Variants in MAF observed in about 807,000 individuals in gnomAD.
MAF encodes the protein MAF bZIP transcription factor.
MAF carries 10 observed loss-of-function variants against 22.0 expected under a neutral mutation model. The ratio of observed to expected loss-of-function variants is 0.45; its 90% CI spans 0.28 to 0.77. The LOEUF (loss-of-function observed/expected upper bound fraction) is 0.77. Ranked by LOEUF, MAF falls within the 30% of genes least tolerant of loss-of-function variation. MAF has a pLI of 0.12. For missense variants in MAF, 544 were observed against 548.4 expected, an observed-to-expected ratio of 0.99 and a Z score of 0.08; for synonymous variants, 337 against 255.8, an observed-to-expected ratio of 1.32 and a Z score of -3.03.
the MAF span, among the ~76,000 whole-genome samples, chr16:79,325,520 G>A: frequency 6.6e-6 from 1 of 151,844 alleles, no homozygotes. Context: ...GAATGTGGAT[G>A]GGCTGTCTCA....
the MAF span, among the ~76,000 whole-genome samples, chr16:79,502,715 ATATATATAT>A: frequency 1.3e-3 from 52 of 41,206 alleles, no homozygotes; most frequent in Non-Finnish European, 2.3e-3. Flanking sequence ...ATAAATATAT[ATATATATAT>A]ATATATATAT....
the MAF span, among the ~76,000 whole-genome samples, chr16:79,217,507 G>C: frequency 5.9e-5 from 9 of 152,266 alleles, no homozygotes; most frequent in African/African-American, 2.2e-4. Context: ...AGCAATATTG[G>C]CTTCAGCCTT....
chr16:79,572,522 A>G, the MAF span, among the ~76,000 whole-genome samples: 2 of 152,212 alleles, frequency 1.3e-5, no homozygotes, highest in Non-Finnish European at 2.9e-5. Context: ...GAGCAAATTC[A>G]GGTTGATCAG....
the MAF span, among the ~76,000 whole-genome samples, chr16:79,510,009 C>T: frequency 7.2e-5 from 11 of 152,270 alleles, no homozygotes; most frequent in East Asian, 1.9e-3. Flanking sequence ...CTTCCTAAAT[C>T]GCTTTGGACA....
chr16:79,427,727 A>T, the MAF span, among the ~76,000 whole-genome samples: 1 of 152,012 alleles, frequency 6.6e-6, no homozygotes, highest in African/African-American at 2.4e-5. Context: ...CTGGCCCAGT[A>T]TTCTCCTCTG....
At chr16:79,496,815 C>T in the MAF span, among the ~76,000 whole-genome samples, 1 of 152,140 alleles carries the variant, frequency 6.6e-6, no homozygotes, top group African/African-American at 2.4e-5. Flanking sequence ...GCAAATTCAT[C>T]TCTATAACAA....
chr16:79,289,010 G>A, the MAF span, among the ~76,000 whole-genome samples: 11 of 152,214 alleles, frequency 7.2e-5, no homozygotes, highest in Admixed American at 3.3e-4. Context: ...GATTACAGGC[G>A]TAAGCCACTG....
the MAF span, among the ~76,000 whole-genome samples, chr16:79,368,110 G>T: frequency 2.0e-5 from 3 of 152,202 alleles, no homozygotes; most frequent in Non-Finnish European, 4.4e-5. Context: ...CTCCAGAGAG[G>T]CAGGAAGAGA....
chr16:79,586,635 T>C (rs945320086), intron 1 of MAF, among the ~76,000 whole-genome samples: 6 of 152,340 alleles, frequency 3.9e-5, no homozygotes, highest in South Asian at 2.1e-4. Flanking sequence ...TAATTCAAAG[T>C]AGTTAGCTTT....
chr16:79,314,419 T>C, the MAF span, among the ~76,000 whole-genome samples: 3 of 152,154 alleles, frequency 2.0e-5, no homozygotes, highest in Non-Finnish European at 4.4e-5. Context: ...AGTCTGGGTC[T>C]GCGATGGGTT....
the MAF span, among the ~76,000 whole-genome samples, chr16:79,275,641 T>C: frequency 3.9e-4 from 60 of 152,220 alleles, no homozygotes; most frequent in Non-Finnish European, 7.3e-5. Context: ...CCATTGTCAG[T>C]CATGGCTACT....
the MAF span, among the ~76,000 whole-genome samples, chr16:79,364,414 C>T: frequency 6.6e-6 from 1 of 152,134 alleles, no homozygotes; most frequent in African/African-American, 2.4e-5. Flanking sequence ...CAGAAGGAGA[C>T]ACACAGAAGA....
chr16:79,240,005 C>A, the MAF span, among the ~76,000 whole-genome samples: 1 of 151,874 alleles, frequency 6.6e-6, no homozygotes, highest in South Asian at 2.1e-4. Context: ...AGTATTTACC[C>A]AAATTATTAT....
At chr16:79,354,176 A>T in the MAF span, among the ~76,000 whole-genome samples, 6 of 151,684 alleles carry the variant, frequency 4.0e-5, no homozygotes, top group Non-Finnish European at 8.8e-5. Context: ...GGTTTTCAGT[A>T]GAGATAGAGT....
At chr16:79,432,717 T>C in the MAF span, among the ~76,000 whole-genome samples, 1 of 152,104 alleles carries the variant, frequency 6.6e-6, no homozygotes, top group Non-Finnish European at 1.5e-5. Context: ...TATGATGTCC[T>C]CATAAAAAGT....
the MAF span, among the ~76,000 whole-genome samples, chr16:79,392,083 A>G: frequency 6.7e-6 from 1 of 150,274 alleles, no homozygotes; most frequent in Non-Finnish European, 1.5e-5. Flanking sequence ...GGAGATGCAG[A>G]GAAAGAAAAG....
chr16:79,322,313 T>C, the MAF span, among the ~76,000 whole-genome samples: 1 of 152,162 alleles, frequency 6.6e-6, no homozygotes, highest in Admixed American at 6.5e-5. Flanking sequence ...GTATCGGCAC[T>C]CAGGGGGTCA....
chr16:79,390,644 G>T, the MAF span, among the ~76,000 whole-genome samples: 1 of 152,160 alleles, frequency 6.6e-6, no homozygotes, highest in African/African-American at 2.4e-5. Context: ...TACCACTCTG[G>T]ATTAGAGATT....
intron 1 of MAF, among the ~76,000 whole-genome samples, chr16:79,587,245 C>T (rs756505802): frequency 2.6e-5 from 4 of 152,086 alleles, no homozygotes; most frequent in Non-Finnish European, 5.9e-5. Flanking sequence ...AGAAACTACT[C>T]GCCTTTACGT....
Sources: allele counts gnomAD v4.1 joint callset (sites outside exome capture counted in the v4.1 genomes callset), GRCh38; gene constraint gnomAD v4.1.1; transcripts MANE v1.5; gene names NCBI Gene and HGNC (gene_info 2026-07-23, HGNC 2026-07-21).